The following KRT6C variants were observed in gnomAD, a reference collection of about 807,000 sequenced individuals.
The protein encoded by KRT6C is keratin 6C, also known as keratin, type II cytoskeletal 6C.
Under a neutral mutation model 49.4 loss-of-function variants are expected in KRT6C, and 46 were observed. That is an observed-to-expected ratio of 0.93 (90% CI 0.74 to 1.19). The LOEUF (loss-of-function observed/expected upper bound fraction) is 1.19, where lower values mean the gene tolerates loss of function less well. Ranked by LOEUF, KRT6C falls within the 50% of genes most tolerant of loss-of-function variation. The pLI is 0.00. For missense variants in KRT6C, 552 were observed against 737.5 expected, an observed-to-expected ratio of 0.75 and a Z score of 2.91; for synonymous variants, 236 against 297.1, an observed-to-expected ratio of 0.79 and a Z score of 2.12.
rs1202208075 is a variant in KRT6C at position 52,470,625 on chromosome 12, C to A, written c.1083G>T (p.Glu361Asp). The change falls in exon 6 of 9, where the codon GAG becomes GAT. Residue 361 changes from glutamate to aspartate, a missense_variant. Glu to Asp is a conservative substitution (Grantham distance 45). Around this residue, in one of 3 missense-constraint regions of KRT6C, gnomAD observed 425 missense variants for 439.4 expected, o/e 0.97. Coordinates refer to ENST00000252250, the MANE Select transcript of KRT6C (RefSeq NM_173086.5). The stretch of plus-strand genomic sequence containing the variant: ...GTCTGCCTGCTGTGACCTGCAGCTC[C>A]TCGTACTGCAGCCCAGAGGTGGAGA... The part of the protein sequence containing the change: ...EAESWYQTKY[E>D]ELQVTAGRHG... 3 of 1,613,846 alleles carry A rather than the reference C, an allele frequency of 1.9e-6. No homozygotes were observed. The highest frequency in any genetic ancestry group is 3.3e-5 in the Admixed American group (2 of 59,982).
At chr12:52,471,951 G>A in intron 2 of KRT6C, 115 bp downstream of exon 2, 1 of 1,157,404 alleles carries the variant, frequency 8.6e-7, no homozygotes, top group Non-Finnish European at 1.3e-6. Flanking sequence ...TTGCTCCTAG[G>A]GACTAATTTG....
At chr12:52,471,939 G>T (rs1937893150) in intron 2 of KRT6C, 127 bp downstream of exon 2, 2 of 1,137,084 alleles carry the variant, frequency 1.8e-6, no homozygotes, top group Non-Finnish European at 2.6e-6. Context: ...GTTCTTGCAG[G>T]TTTGCTCCTA....
In KRT6C at chr12:52,469,316, A is replaced by C; in HGVS notation, c.1460-19T>G. On this transcript the variant is annotated intron_variant, in intron 8 of 8. Coordinates refer to ENST00000252250, the MANE Select transcript of KRT6C (RefSeq NM_173086.5). ...ACTACAGCTGTGGTGGGGAGGGGAC[A>C]AGGACACAAGAAGCCACGGTGAGCT... The C allele has an allele frequency of 1.2e-6, 2 of 1,614,032 alleles. No homozygotes were observed. The highest frequency in any genetic ancestry group is 1.7e-6 in the Non-Finnish European group (2 of 1,179,890).
In KRT6C at chr12:52,469,333, C is replaced by T. The variant is rs554868999; in HGVS notation, c.1460-36G>A. 225 of 1,613,978 alleles carry T rather than the reference C, an allele frequency of 1.4e-4. 1 individual carries two copies. The highest frequency in any genetic ancestry group is 1.0e-3 in the South Asian group (91 of 91,072). On this transcript the variant is annotated intron_variant, in intron 8 of 8. Transcript: ENST00000252250. Reference sequence around the variant, plus strand: ...GAGGGGACAAGGACACAAGAAGCCACGGTGAGCTCATCCTGCCGGCCTGAG... The same window carrying T: ...GAGGGGACAAGGACACAAGAAGCCATGGTGAGCTCATCCTGCCGGCCTGAG...
At position 52,469,836 on chromosome 12, in the gene KRT6C, G is replaced by A. The variant is rs766743865; in HGVS notation, c.1258C>T (p.Leu420Phe). 9.3e-6 allele frequency: 15 copies of A among 1,613,940 alleles called. No homozygotes were observed. Among genetic ancestry groups the A allele is most frequent in the South Asian group, 6.6e-5 (6 of 91,078 alleles). The change falls in exon 7 of 9, where the codon CTC becomes TTC. Residue 420 changes from leucine to phenylalanine, a missense_variant. Leu to Phe is a conservative substitution (Grantham distance 22). This residue lies in a region of KRT6C where 425 missense variants were observed against 439.4 expected (regional missense o/e 0.97). Coordinates refer to ENST00000252250, the MANE Select transcript of KRT6C (RefSeq NM_173086.5). ...TCCAGCTTGTTCTTAGCATCCTTGA[G>A]TGCCATCTCCCCACGCTGCTCAGCA... ...ADAEQRGEMA[L>F]KDAKNKLEGL...
At chr12:52,470,336 T>A in intron 6 of KRT6C, 169 bp downstream of exon 6, 1 of 1,235,106 alleles carries the variant, frequency 8.1e-7, no homozygotes, top group Non-Finnish European at 1.2e-6. Flanking sequence ...CTCATCCTCT[T>A]GGGTGGGATT....
intron 5 of KRT6C, 25 bp from the exon 6 acceptor site, chr12:52,470,655 G>A (rs1420433371): frequency 1.2e-6 from 2 of 1,613,862 alleles, no homozygotes; most frequent in Non-Finnish European, 1.7e-6. Context: ...TGGAGAGAGA[G>A]ACAGTGTCTA....
chr12:52,473,743 C>T lies in KRT6C; in HGVS notation c.-6G>A, dbSNP rs758628528. 6.2e-7 allele frequency: 1 copy of T among 1,614,024 alleles called. No homozygotes were observed. Among genetic ancestry groups the T allele is most frequent in the Non-Finnish European group, 8.5e-7 (1 of 1,180,024 alleles). ...GTGGTGGATGTGCTGGCCATGGTTCCAGGAGATGAGAGGGCTGTGGCGAGC... is the reference window on the plus strand; with the variant it reads ...GTGGTGGATGTGCTGGCCATGGTTCTAGGAGATGAGAGGGCTGTGGCGAGC... On this transcript the variant is annotated 5_prime_UTR_variant, in exon 1 of 9. Coordinates refer to ENST00000252250, the MANE Select transcript of KRT6C (RefSeq NM_173086.5).
Position 52,469,007 on chromosome 12 carries a change from T to C in KRT6C, c.*55A>G. The C allele has an allele frequency of 1.2e-6, 2 of 1,612,202 alleles. No homozygotes were observed. The highest frequency in any genetic ancestry group is 3.3e-5 in the Admixed American group (2 of 59,994). The stretch of plus-strand genomic sequence containing the variant: ...AGGATAGGCAACCTGAGGAGACGGC[T>C]CTGCAGCCAGAGAAGGGCCTGAGGA... On this transcript the variant is annotated 3_prime_UTR_variant, in exon 9 of 9. Coordinates refer to ENST00000252250, the MANE Select transcript of KRT6C (RefSeq NM_173086.5).
rs1292364850 is a variant in KRT6C, at chr12:52,473,791, C to T, written c.-54G>A. Reference sequence around the variant, plus strand: ...AGCGTTGGAGGCTGGAGGCGAGAGGCAGGAGAAGCAGGACAAGGAATCGGG... The same window carrying T: ...AGCGTTGGAGGCTGGAGGCGAGAGGTAGGAGAAGCAGGACAAGGAATCGGG... On this transcript the variant is annotated 5_prime_UTR_variant, in exon 1 of 9. Transcript: ENST00000252250. 3.7e-6 allele frequency: 6 copies of T among 1,612,744 alleles called. No homozygotes were observed. Among genetic ancestry groups the T allele is most frequent in the Non-Finnish European group, 5.1e-6 (6 of 1,179,546 alleles).
At chr12:52,471,397 C>G in intron 4 of KRT6C, 24 bp downstream of exon 4, 2 of 1,614,026 alleles carry the variant, frequency 1.2e-6, no homozygotes, top group Non-Finnish European at 1.7e-6. Flanking sequence ...TCAGAGTAAA[C>G]AGAAGGATGG....
Position 52,469,403 on chromosome 12 carries a change from G to T in KRT6C, c.1459+8C>A. 6.2e-7 allele frequency: 1 copy of T among 1,614,006 alleles called. No homozygotes were observed. On this transcript the variant is annotated splice_region_variant and intron_variant, in intron 8 of 8. Transcript: ENST00000252250. ...GGGCAGGGGAGGAAGGCAAGCAAAG[G>T]TACTTACAGACGTTGACTTGTCCAA...
intron 2 of KRT6C, 132 bp from the exon 3 acceptor site, chr12:52,471,864 A>T (rs1453534970): frequency 7.2e-7 from 1 of 1,390,182 alleles, no homozygotes; most frequent in East Asian, 2.3e-5. Flanking sequence ...AGCCAAAGAG[A>T]TGAGTTTTGC....
chr12:52,471,633 C>T (rs1165846469), intron 3 of KRT6C, 39 bp downstream of exon 3: 9 of 1,604,568 alleles, frequency 5.6e-6, no homozygotes, highest in Non-Finnish European at 3.4e-6. Flanking sequence ...CACTTCTCTC[C>T]TTCTAAATGA....
In KRT6C at chr12:52,471,467, T is replaced by C. The variant is rs549374125; in HGVS notation, c.866A>G (p.Asp289Gly). 137 of 1,613,898 alleles carry C rather than the reference T, an allele frequency of 8.5e-5. 5 individuals are homozygous for C. In the South Asian group the frequency reaches 1.5e-3, roughly 18 times the overall value. Residue 289 changes from aspartate to glycine, a missense_variant, in exon 4 of 9, where the codon GAC becomes GGC. By Grantham distance (94) the Asp-to-Gly change is moderately conservative. Around this residue, in one of 3 missense-constraint regions of KRT6C, gnomAD observed 425 missense variants for 439.4 expected, o/e 0.97. Coordinates refer to ENST00000252250, the MANE Select transcript of KRT6C (RefSeq NM_173086.5). ...GAAGTTGATCTCATCTGTGAGAGTGTCTGCCTTGGCTTGCAGTTCAACCTT... is the reference window on the plus strand; with the variant it reads ...GAAGTTGATCTCATCTGTGAGAGTGCCTGCCTTGGCTTGCAGTTCAACCTT... ...MNKVELQAKA[D>G]TLTDEINFLR...
rs1417812554 is a variant in KRT6C at position 52,471,117 on chromosome 12, C to T, written c.1077+15G>A. 3.7e-6 allele frequency: 6 copies of T among 1,614,054 alleles called. No homozygotes were observed. Among genetic ancestry groups the T allele is most frequent in the African/African-American group, 1.3e-5 (1 of 74,924 alleles). On this transcript the variant is annotated intron_variant, in intron 5 of 8. Transcript: ENST00000252250. ...GACACAAGGATTCCTCAGCAGCTGC[C>T]CACTCCCTGCTCACCTTGGTCTGGT...
At position 52,471,138 on chromosome 12, in the gene KRT6C, C is replaced by T. The variant is rs1256621166; in HGVS notation, c.1071G>A (p.Gln357=). The stretch of plus-strand genomic sequence containing the variant: ...CTGCCCACTCCCTGCTCACCTTGGT[C>T]TGGTACCAGGACTCAGCCTCAGCCC... ...RSRAEAESWY[Q]TKYEELQVTA... is the part of the protein sequence containing the mutation. The change falls in exon 5 of 9, where the codon CAG becomes CAA. Residue 357 remains glutamine, a synonymous_variant. Coordinates refer to ENST00000252250, the MANE Select transcript of KRT6C (RefSeq NM_173086.5). The T allele has an allele frequency of 2.5e-6, 4 of 1,614,078 alleles. No homozygotes were observed. Among genetic ancestry groups the T allele is most frequent in the African/African-American group, 2.7e-5 (2 of 74,938 alleles).
At position 52,473,769 on chromosome 12, in the gene KRT6C, G is replaced by C; in HGVS notation, c.-32C>G. ...AGGAGATGAGAGGGCTGTGGCGAGC[G>C]TTGGAGGCTGGAGGCGAGAGGCAGG... On this transcript the variant is annotated 5_prime_UTR_variant, in exon 1 of 9. Coordinates refer to ENST00000252250, the MANE Select transcript of KRT6C (RefSeq NM_173086.5). 2.5e-6 allele frequency: 4 copies of C among 1,614,070 alleles called. No individual in the cohort carries two copies. Among genetic ancestry groups the C allele is most frequent in the Non-Finnish European group, 1.7e-6 (2 of 1,180,040 alleles).
At position 52,469,168 on chromosome 12, in the gene KRT6C, C is replaced by T; in HGVS notation, c.1589G>A (p.Ser530Asn). Residue 530 changes from serine to asparagine, a missense_variant, in exon 9 of 9, where the codon AGC becomes AAC. Physicochemically the swap from Ser to Asn is conservative, Grantham distance 46. Around this residue, in one of 3 missense-constraint regions of KRT6C, gnomAD observed 425 missense variants for 439.4 expected, o/e 0.97. Transcript: ENST00000252250. ...GCCACCCCCAATGGCTCTGCCACTGCTGGAACTGAAGCCACCTCCAATGCC... is the reference window on the plus strand; with the variant it reads ...GCCACCCCCAATGGCTCTGCCACTGTTGGAACTGAAGCCACCTCCAATGCC... The part of the protein sequence containing the change: ...GLGIGGGFSS[S>N]SGRAIGGGLS... The T allele has an allele frequency of 6.2e-7, 1 of 1,614,024 alleles. No homozygotes were observed. The highest frequency in any genetic ancestry group is 1.3e-5 in the African/African-American group (1 of 75,050).
Sources: gnomAD v4.1 joint callset for allele counts on GRCh38, gnomAD v4.1.1 for gene constraint, gnomAD v4.1.1 regional missense constraint, MANE v1.5 for transcripts, NCBI Gene and HGNC (gene_info 2026-07-23, HGNC 2026-07-21) for gene names.